WDR20: variants seen among roughly 807,000 people sequenced by gnomAD.
The protein encoded by WDR20 is WD repeat domain 20.
Under a neutral mutation model 38.7 loss-of-function variants are expected in WDR20, and 3 were observed. The observed-to-expected ratio is 0.08, with a 90% confidence interval of 0.04 to 0.20. The LOEUF (loss-of-function observed/expected upper bound fraction) is 0.20. Among genes scored for constraint, WDR20 ranks in the 10% least tolerant of loss-of-function variants. WDR20 has a pLI of 1.00. For missense variants in WDR20, 559 were observed against 727.7 expected (o/e 0.77, Z 2.67); for synonymous variants, 298 against 285.6 (o/e 1.04, Z -0.44).
intron 2 of WDR20, among the ~76,000 whole-genome samples, chr14:102,200,030 G>A (rs1032428824): frequency 3.3e-5 from 5 of 152,238 alleles, no homozygotes; most frequent in Non-Finnish European, 7.3e-5. Flanking sequence ...TCATCTCCAA[G>A]TCTGGCCCTG....
intron 1 of WDR20, among the ~76,000 whole-genome samples, chr14:102,181,650 A>G (rs566011423): frequency 3.9e-5 from 6 of 152,278 alleles, no homozygotes; most frequent in South Asian, 4.1e-4. Context: ...TCTGTAGTCT[A>G]CTTCTTTGGG....
At chr14:102,214,540 G>A (rs555694380), downstream of WDR20, 18 of 985,370 alleles carry the variant, frequency 1.8e-5, no homozygotes, top group Middle Eastern at 1.0e-3. Flanking sequence ...CACGAACTTC[G>A]TGTCATAAAT....
chr14:102,209,141 C>G lies in WDR20; in HGVS notation c.971C>G (p.Pro324Arg). ...PYTTSVEEGD[P>R]MEFSGSDEDF... ...ACCACTAGTGTAGAAGAAGGTGACC[C>G]TATGGAGTTTAGTGGCAGCGATGAG... is the stretch of plus-strand genomic sequence containing the variant. Residue 324 changes from proline to arginine, a missense_variant, in exon 3 of 3, where the codon CCT becomes CGT. Physicochemically the swap from Pro to Arg is moderately radical, Grantham distance 103. Transcript: ENST00000342702. The surrounding 1 kb of genome is among the most constrained non-coding windows in gnomAD (Gnocchi z 6.0). 1 of 1,613,984 alleles carries G rather than the reference C, an allele frequency of 6.2e-7. No individual in the cohort carries two copies. The highest frequency in any genetic ancestry group is 1.1e-5 in the South Asian group (1 of 91,054).
Position 102,184,569 on chromosome 14 carries a change from C to T in WDR20, c.250-10369C>T, listed in dbSNP as rs546928487. Among the ~76,000 whole-genome samples the T allele has an allele frequency of 8.5e-5, 13 of 152,212 alleles. No individual in the cohort carries two copies. In the East Asian group the frequency reaches 2.5e-3, roughly 29 times the overall value. ...TTTCCCCTGGTGGCCACCCTCTCCC[C>T]ACCCGATGCAGAGCTCCAAAGGAGG... On this transcript the variant is annotated intron_variant, in intron 1 of 2. Transcript: ENST00000342702.
rs1356966805 is a variant in WDR20 at position 102,220,221 on chromosome 14, ACACT to A, written c.1693-2606_1693-2603del. Among the ~76,000 whole-genome samples the A allele has an allele frequency of 6.6e-6, 1 of 152,124 alleles. No homozygotes were observed. Among genetic ancestry groups the A allele is most frequent in the Non-Finnish European group, 1.5e-5 (1 of 68,006 alleles). ...AAGCAGCCGAGTCCTCTGGGGCCTC[ACACT>A]CAGTGAGAGGAAGTCTAAGGAAGGG... On this transcript the variant is annotated intron_variant, in intron 3 of 3. Transcript: ENST00000335263. This position sits in a 1 kb window ranked among gnomAD's most constrained non-coding sequence, Gnocchi z 4.2.
At chr14:102,173,854 C>T (rs1206945201) in intron 1 of WDR20, among the ~76,000 whole-genome samples, 2 of 152,156 alleles carry the variant, frequency 1.3e-5, no homozygotes, top group Admixed American at 6.5e-5. Flanking sequence ...ACCATCCTGG[C>T]TAACATGCTG....
exon 4 of WDR20, chr14:102,223,014 G>T: frequency 1.9e-6 from 2 of 1,075,070 alleles, no homozygotes; most frequent in South Asian, 1.4e-5. Flanking sequence ...TAGCCGTGTG[G>T]ACGGTGACCG....
At chr14:102,196,754 GGGAGTTGCA>G in intron 2 of WDR20, among the ~76,000 whole-genome samples, 1 of 152,306 alleles carries the variant, frequency 6.6e-6, no homozygotes, top group Non-Finnish European at 1.5e-5. Context: ...CCTGGTGACT[GGGAGTTGCA>G]GGCTGGAAGG....
intron 1 of WDR20, among the ~76,000 whole-genome samples, chr14:102,185,351 TC>T (rs2064376522): frequency 6.6e-6 from 1 of 152,166 alleles, no homozygotes; most frequent in Non-Finnish European, 1.5e-5. Flanking sequence ...AGATCTGGAA[TC>T]TGGGCCACAC....
At chr14:102,155,954 T>G (rs985122653) in intron 1 of WDR20, among the ~76,000 whole-genome samples, 11 of 151,256 alleles carry the variant, frequency 7.3e-5, no homozygotes, top group Admixed American at 4.6e-4. Context: ...TTTTTTTTTT[T>G]TGTGGAGACA....
intron 2 of WDR20, among the ~76,000 whole-genome samples, chr14:102,204,015 T>C (rs1278812198): frequency 6.6e-6 from 1 of 152,190 alleles, no homozygotes; most frequent in Non-Finnish European, 1.5e-5. Context: ...GCCAGAGTCA[T>C]GTAAGTTAAA....
chr14:102,158,498 A>T (rs2057952786), intron 1 of WDR20, among the ~76,000 whole-genome samples: 1 of 152,050 alleles, frequency 6.6e-6, no homozygotes, highest in African/African-American at 2.4e-5. Context: ...GGGTTTCACC[A>T]TGTTGGTCAG....
chr14:102,149,082 A>G (rs2054788389), intron 1 of WDR20, among the ~76,000 whole-genome samples: 2 of 152,142 alleles, frequency 1.3e-5, no homozygotes, highest in Admixed American at 6.5e-5. Context: ...AGAATACTTG[A>G]ACCCGGGAGG....
At chr14:102,141,410 T>C (rs1398504647) in intron 1 of WDR20, among the ~76,000 whole-genome samples, 1 of 152,214 alleles carries the variant, frequency 6.6e-6, no homozygotes, top group Non-Finnish European at 1.5e-5. Context: ...AATCTTTTTT[T>C]CTTAGTCTTT....
At chr14:102,154,566 C>A (rs775460020) in intron 1 of WDR20, among the ~76,000 whole-genome samples, 3 of 152,150 alleles carry the variant, frequency 2.0e-5, no homozygotes, top group Non-Finnish European at 4.4e-5. Flanking sequence ...CTGGTATTGT[C>A]ATGTTTACTT....
Position 102,181,146 on chromosome 14 carries a change from G to T in WDR20, c.250-13792G>T, listed in dbSNP as rs1225321817. Among the ~76,000 whole-genome samples, 36 of 152,252 alleles carry T rather than the reference G, an allele frequency of 2.4e-4. 1 individual carries two copies. Among genetic ancestry groups the T allele is most frequent in the Admixed American group, 2.4e-3 (36 of 15,298 alleles). On this transcript the variant is annotated intron_variant, in intron 1 of 2. Coordinates refer to ENST00000342702, the MANE Select transcript of WDR20 (RefSeq NM_144574.4). ...GAACATAACTTATGAACTTTAACCA[G>T]ATGAGTGTCATTTGGTTTATCCTAA...
chr14:102,161,978 AC>A (rs920405718), intron 1 of WDR20, among the ~76,000 whole-genome samples: 1 of 152,168 alleles, frequency 6.6e-6, no homozygotes, highest in African/African-American at 2.4e-5. Flanking sequence ...GCACTGGTTA[AC>A]CCAGTCTTTA....
rs1436853924 is a variant in WDR20 at position 102,140,185 on chromosome 14, GC to G, written c.249+14del. On this transcript the variant is annotated intron_variant, in intron 1 of 2. Coordinates refer to ENST00000342702, the MANE Select transcript of WDR20 (RefSeq NM_144574.4). ...GGGGGTCCGCAAGGTACCGACCCGG[GC>G]GTCACCGGAGCCAGCCAGCGGCGTA... 1 of 1,609,248 alleles carries G rather than the reference GC, an allele frequency of 6.2e-7. No individual in the cohort carries two copies.
In WDR20 at chr14:102,202,925, C is replaced by T. The variant is rs1251023566; in HGVS notation, c.433-5678C>T. On this transcript the variant is annotated intron_variant, in intron 2 of 2. Transcript: ENST00000342702. The stretch of plus-strand genomic sequence containing the variant: ...GTGGTTATATTTATTAGCTGCAGAC[C>T]TTTCTAGCTGCATACTGGGCAAAAC... Among the ~76,000 whole-genome samples the T allele has an allele frequency of 2.6e-5, 4 of 152,124 alleles. No individual in the cohort carries two copies. In the East Asian group the frequency reaches 7.7e-4, roughly 29 times the overall value.
Sources: allele counts gnomAD v4.1 joint callset (sites outside exome capture counted in the v4.1 genomes callset), GRCh38; gene constraint gnomAD v4.1.1; non-coding constraint Gnocchi (gnomAD v3.1); transcripts MANE v1.5; gene names NCBI Gene and HGNC (gene_info 2026-07-23, HGNC 2026-07-21).